Variants in NUP153 observed in about 807,000 individuals in gnomAD.
The protein encoded by NUP153 is nuclear pore complex protein Nup153.
NUP153 carries 27 observed loss-of-function variants against 134.6 expected under a neutral mutation model. That is an observed-to-expected ratio of 0.20 (90% CI 0.15 to 0.28). The LOEUF (loss-of-function observed/expected upper bound fraction) is 0.28. Ranked by LOEUF, NUP153 falls within the 10% of genes least tolerant of loss-of-function variation. The pLI, the probability that NUP153 is intolerant of heterozygous loss-of-function variation, is 1.00. For synonymous variants in NUP153, 640 were observed against 623.5 expected, an observed-to-expected ratio of 1.03 and a Z score of -0.40; for missense variants, 1,821 against 1,731.3, an observed-to-expected ratio of 1.05 and a Z score of -0.92.
At chr6:17,643,926 G>C (rs1235151275) in intron 14 of NUP153, among the ~76,000 whole-genome samples, 1 of 152,028 alleles carries the variant, frequency 6.6e-6, no homozygotes, top group African/African-American at 2.4e-5. Flanking sequence ...TCATGAAATT[G>C]GTAATTTGAA....
chr6:17,705,620 G>T, intron 1 of NUP153, among the ~76,000 whole-genome samples: 1 of 150,790 alleles, frequency 6.6e-6, no homozygotes, highest in African/African-American at 2.5e-5. Context: ...GCAGAGAAAA[G>T]ACGTAAGGGT....
chr6:17,673,539 C>T (rs942496882), intron 5 of NUP153, among the ~76,000 whole-genome samples: 1 of 151,990 alleles, frequency 6.6e-6, no homozygotes, highest in African/African-American at 2.4e-5. Flanking sequence ...GACACTTCAC[C>T]AAAGAAGATA....
chr6:17,633,752 T>C (rs1765379524), intron 16 of NUP153, among the ~76,000 whole-genome samples: 1 of 152,188 alleles, frequency 6.6e-6, no homozygotes, highest in Admixed American at 6.5e-5. Context: ...CTGGTATTCC[T>C]ACTTCTCTAG....
Position 17,629,166 on chromosome 6 carries a change from T to C in NUP153, c.3033A>G (p.Lys1011=). 6.2e-7 allele frequency: 1 copy of C among 1,613,180 alleles called. No homozygotes were observed. The highest frequency in any genetic ancestry group is 8.5e-7 in the Non-Finnish European group (1 of 1,179,832). ...GVSNLGQEEK[K]EELPKSSSAG... ...CAGAGGAAGATTTGGGCAGTTCCTC[T>C]TTCTTTTCTTCCTGTCCAAGATTAG... Residue 1011 remains lysine, a synonymous_variant, in exon 18 of 22, where the codon AAA becomes AAG. Transcript: ENST00000262077.
chr6:17,649,546 A>G (rs1766397446), intron 11 of NUP153, among the ~76,000 whole-genome samples: 1 of 129,660 alleles, frequency 7.7e-6, no homozygotes, highest in African/African-American at 2.9e-5. Context: ...GGGAAAAAAG[A>G]TAGTAATTCT....
chr6:17,699,338 T>A (rs376294465), intron 1 of NUP153, among the ~76,000 whole-genome samples: 4 of 151,034 alleles, frequency 2.6e-5, no homozygotes, highest in Non-Finnish European at 5.9e-5. Flanking sequence ...CTACTAAAGA[T>A]ATAAAAACTT....
At chr6:17,632,918 T>C (rs1318616111) in intron 16 of NUP153, 74 bp from the exon 17 acceptor site, 1 of 1,091,012 alleles carries the variant, frequency 9.2e-7, no homozygotes, top group Non-Finnish European at 1.3e-6. Context: ...GTCAGTATCT[T>C]AATGGCACTG....
intron 11 of NUP153, among the ~76,000 whole-genome samples, chr6:17,650,791 T>C (rs890004287): frequency 2.6e-5 from 4 of 152,124 alleles, no homozygotes; most frequent in Non-Finnish European, 5.9e-5. Context: ...TTTAACTATA[T>C]AAAGCAAAAA....
chr6:17,675,824 C>T lies in NUP153; in HGVS notation c.335-54G>A, dbSNP rs1294014633. On this transcript the variant is annotated intron_variant, in intron 2 of 21. Transcript: ENST00000262077. The surrounding 1 kb of genome is among the most constrained non-coding windows in gnomAD (Gnocchi z 4.4). The stretch of plus-strand genomic sequence containing the variant: ...TATACAACTTAGAGCGATACACTAC[C>T]ACAAATGGTTTTTACTTTAAGAAAA... The T allele has an allele frequency of 1.9e-6, 3 of 1,546,500 alleles. No individual in the cohort carries two copies. Among genetic ancestry groups the T allele is most frequent in the African/African-American group, 1.4e-5 (1 of 73,346 alleles).
chr6:17,683,988 AG>A (rs1486858303), intron 2 of NUP153, among the ~76,000 whole-genome samples: 2 of 152,134 alleles, frequency 1.3e-5, no homozygotes, highest in Non-Finnish European at 2.9e-5. Context: ...TACCCAAGGT[AG>A]TGGGTTCACA....
At chr6:17,689,125 C>T (rs994022097) in intron 1 of NUP153, among the ~76,000 whole-genome samples, 1 of 152,046 alleles carries the variant, frequency 6.6e-6, no homozygotes, top group East Asian at 1.9e-4. Flanking sequence ...GTGGTTCATG[C>T]CTGTAATCCT....
chr6:17,660,601 T>C (rs565310060), intron 11 of NUP153, among the ~76,000 whole-genome samples: 5 of 151,778 alleles, frequency 3.3e-5, no homozygotes, highest in South Asian at 4.1e-4. Flanking sequence ...AAATTATATA[T>C]ATATCCCTAC....
Position 17,706,238 on chromosome 6 carries a change from C to T in NUP153, c.111+39G>A. On this transcript the variant is annotated intron_variant, in intron 1 of 21. Transcript: ENST00000262077. The surrounding 1 kb of genome is among the most constrained non-coding windows in gnomAD (Gnocchi z 5.9). The stretch of plus-strand genomic sequence containing the variant: ...CCGCCCGTCCCCTCCAGCCGAGTTT[C>T]CCCACCCGCCAGGCCACCGCGGCGT... 1 of 1,537,810 alleles carries T rather than the reference C, an allele frequency of 6.5e-7. No homozygotes were observed. The highest frequency in any genetic ancestry group is 9.0e-7 in the Non-Finnish European group (1 of 1,112,214).
At chr6:17,645,832 T>C (rs1324037073) in intron 14 of NUP153, among the ~76,000 whole-genome samples, 1 of 152,212 alleles carries the variant, frequency 6.6e-6, no homozygotes, top group Non-Finnish European at 1.5e-5. Flanking sequence ...TTTGCTACCA[T>C]GCCTATCTCT....
intron 9 of NUP153, among the ~76,000 whole-genome samples, chr6:17,664,950 G>A (rs1037605765): frequency 6.7e-6 from 1 of 148,474 alleles, no homozygotes; most frequent in Non-Finnish European, 1.5e-5. Context: ...CTACTCGGGG[G>A]GCTGAAGCAG....
Position 17,637,174 on chromosome 6 carries a change from A to G in NUP153, c.2443T>C (p.Ser815Pro). The change falls in exon 16 of 22, where the codon TCC (serine) becomes CCC (proline). Residue 815 changes from serine to proline, a missense_variant. Coordinates refer to ENST00000262077, the MANE Select transcript of NUP153 (RefSeq NM_005124.4). ...SNNAEDNKCV[S>P]CMSEKPGSSV... ...ATACCTGGTTTCTCAGACATACAGG[A>G]CACACACTTATTGTCTTCTGCATTA... The G allele has an allele frequency of 6.2e-7, 1 of 1,611,894 alleles. No homozygotes were observed.
intron 8 of NUP153, among the ~76,000 whole-genome samples, chr6:17,667,962 T>A (rs1767645038): frequency 6.6e-6 from 1 of 152,016 alleles, no homozygotes; most frequent in Admixed American, 6.5e-5. Flanking sequence ...TGATGAGAGA[T>A]CTGCCTAATT....
rs751026185 is a variant in NUP153, at chr6:17,669,473, C to T, written c.926G>A (p.Arg309Gln). ...QSYGVTSSTA[R>Q]RILQSLEKMS... ...CTTCTCTAAAGACTGCAATATTCGC[C>T]GAGCTGTTGAACTGGTCACACCGTA... Residue 309 changes from arginine to glutamine, a missense_variant, in exon 6 of 22, where the codon CGG (arginine) becomes CAG (glutamine). Coordinates refer to ENST00000262077, the MANE Select transcript of NUP153 (RefSeq NM_005124.4). 7 of 1,613,912 alleles carry T rather than the reference C, an allele frequency of 4.3e-6. No individual in the cohort carries two copies. Among genetic ancestry groups the T allele is most frequent in the African/African-American group, 2.7e-5 (2 of 74,898 alleles).
At chr6:17,621,089 C>T (rs748074459) in intron 20 of NUP153, among the ~76,000 whole-genome samples, 4 of 152,142 alleles carry the variant, frequency 2.6e-5, no homozygotes, top group Non-Finnish European at 5.9e-5. Context: ...AAACACAACA[C>T]ACAAATGGCC....
Sources: gnomAD v4.1 joint callset for allele counts (sites outside exome capture counted in the v4.1 genomes callset) on GRCh38, gnomAD v4.1.1 for gene constraint, Gnocchi (gnomAD v3.1) non-coding constraint, MANE v1.5 for transcripts, NCBI Gene and HGNC (gene_info 2026-07-23, HGNC 2026-07-21) for gene names.